The following RGS21 variants were observed in gnomAD, a reference collection of about 807,000 sequenced individuals.
The protein encoded by RGS21 is regulator of G protein signaling 21, also known as regulator of G-protein signalling 21.
A neutral mutation model predicts 18.7 loss-of-function variants in RGS21; 19 were observed. The observed-to-expected ratio is 1.01, with a 90% CI of 0.71 to 1.49. The LOEUF (loss-of-function observed/expected upper bound fraction) is 1.49. RGS21 is among the 40% of genes most tolerant of loss of function. The pLI is 0.00. For missense variants in RGS21, 194 were observed against 176.8 expected (o/e 1.10, Z -0.55); for synonymous variants, 56 against 57.8 (o/e 0.97, Z 0.14).
At chr1:192,359,920 G>A (rs977630316) in intron 4 of RGS21, among the ~76,000 whole-genome samples, 5 of 151,524 alleles carry the variant, frequency 3.3e-5, no homozygotes, top group African/African-American at 9.7e-5. Flanking sequence ...CACCAGAATT[G>A]ACTTCTAGGG....
At chr1:192,351,924 A>T (rs1659047730) in intron 3 of RGS21, 123 bp from the exon 4 acceptor site, 7 of 562,482 alleles carry the variant, frequency 1.2e-5, no homozygotes, top group African/African-American at 1.9e-5. Flanking sequence ...TTACATTTAG[A>T]TGCAATGATC....
intron 4 of RGS21, among the ~76,000 whole-genome samples, chr1:192,354,663 TCA>T (rs139669515): frequency 6.6e-6 from 1 of 151,846 alleles, no homozygotes; most frequent in African/African-American, 2.4e-5. Flanking sequence ...GAGGATATTC[TCA>T]GTTTTTCTAT....
At position 192,344,833 on chromosome 1, in the gene RGS21, C is replaced by T. The variant is rs542347751; in HGVS notation, c.11+1786C>T. On this transcript the variant is annotated intron_variant, in intron 2 of 4. Transcript: ENST00000417209. Reference sequence around the variant, plus strand: ...GCATTGCTACACACCAGCAGAGGTACTCCTTCAGAGCCGATGGGCAATTTT... The same window carrying T: ...GCATTGCTACACACCAGCAGAGGTATTCCTTCAGAGCCGATGGGCAATTTT... Among the ~76,000 whole-genome samples, 15 of 152,190 alleles carry T rather than the reference C, an allele frequency of 9.9e-5. No homozygotes were observed. The South Asian group carries it at 2.9e-3, about 29-fold the overall frequency.
chr1:192,320,912 A>G (rs964970550), intron 1 of RGS21, among the ~76,000 whole-genome samples: 5 of 152,048 alleles, frequency 3.3e-5, no homozygotes, highest in African/African-American at 1.2e-4. Flanking sequence ...ATGCTTAAGG[A>G]TTTACAAAAC....
intron 3 of RGS21, among the ~76,000 whole-genome samples, chr1:192,351,552 CCAT>C (rs1262481105): frequency 1.3e-5 from 2 of 151,508 alleles, no homozygotes; most frequent in African/African-American, 4.8e-5. Flanking sequence ...GAAGTAACTA[CCAT>C]CAAGATCTCC....
chr1:192,340,577 GCCA>G (rs368085636), intron 1 of RGS21, among the ~76,000 whole-genome samples: 423 of 152,164 alleles, frequency 2.8e-3, no homozygotes, highest in African/African-American at 9.6e-3. Context: ...GTAAAAAACT[GCCA>G]CCAACTTACT....
At chr1:192,329,948 T>C (rs1301673917) in intron 1 of RGS21, among the ~76,000 whole-genome samples, 1 of 152,146 alleles carries the variant, frequency 6.6e-6, no homozygotes, top group Non-Finnish European at 1.5e-5. Context: ...AATCATGTGG[T>C]GAAGAGCTCC....
At chr1:192,329,407 T>C (rs1049094515) in intron 1 of RGS21, among the ~76,000 whole-genome samples, 1 of 152,120 alleles carries the variant, frequency 6.6e-6, no homozygotes, top group African/African-American at 2.4e-5. Context: ...GCTACATTTT[T>C]TTTCTATTTC....
intron 2 of RGS21, among the ~76,000 whole-genome samples, chr1:192,344,661 C>T (rs904710670): frequency 1.3e-5 from 2 of 152,066 alleles, no homozygotes; most frequent in Admixed American, 6.6e-5. Context: ...AACAAACAAG[C>T]ATTACTCCTT....
At chr1:192,326,662 G>A (rs1429219436) in intron 1 of RGS21, among the ~76,000 whole-genome samples, 3 of 152,118 alleles carry the variant, frequency 2.0e-5, no homozygotes, top group Admixed American at 6.6e-5. Flanking sequence ...TGCACACAAT[G>A]ATAGAGTCCT....
At chr1:192,348,167 G>A (rs1189396377) in intron 3 of RGS21, among the ~76,000 whole-genome samples, 1 of 151,382 alleles carries the variant, frequency 6.6e-6, no homozygotes, top group African/African-American at 2.4e-5. Context: ...CTGGGACTAC[G>A]GGAGCATGCC....
intron 1 of RGS21, among the ~76,000 whole-genome samples, chr1:192,324,279 T>C (rs1658535934): frequency 6.6e-6 from 1 of 152,126 alleles, no homozygotes; most frequent in East Asian, 1.9e-4. Flanking sequence ...ACAAGATATT[T>C]AAACAATTTT....
At chr1:192,342,873 T>C (rs1258364579) in intron 1 of RGS21, 104 bp from the exon 2 acceptor site, 4 of 602,710 alleles carry the variant, frequency 6.6e-6, no homozygotes, top group Non-Finnish European at 1.2e-5. Context: ...ATAACAAAAA[T>C]AAAAAAGCTG....
chr1:192,323,661 A>G lies in RGS21; in HGVS notation c.-61+6556A>G, dbSNP rs75125445. 3.9e-4 allele frequency among the ~76,000 whole-genome samples: 60 copies of G among 152,244 alleles called. 1 individual carries two copies. Among genetic ancestry groups the G allele is most frequent in the South Asian group, 1.7e-3 (8 of 4,832 alleles). The stretch of plus-strand genomic sequence containing the variant: ...TGAGCATATAGATGCTTAGACGCTT[A>G]TGGAGATTTTAAGTGGCAATGGAAA... On this transcript the variant is annotated intron_variant, in intron 1 of 4. Coordinates refer to ENST00000417209, the MANE Select transcript of RGS21 (RefSeq NM_001039152.3).
intron 1 of RGS21, among the ~76,000 whole-genome samples, chr1:192,327,625 A>G (rs1658585685): frequency 6.6e-6 from 1 of 152,088 alleles, no homozygotes; most frequent in Admixed American, 6.6e-5. Flanking sequence ...GGCATGTGCC[A>G]CCACACCCGG....
At chr1:192,362,954 A>G (rs1659206522) in intron 4 of RGS21, among the ~76,000 whole-genome samples, 1 of 152,112 alleles carries the variant, frequency 6.6e-6, no homozygotes, top group Non-Finnish European at 1.5e-5. Context: ...CCCTTAACAG[A>G]TCAGAAAGAA....
intron 1 of RGS21, among the ~76,000 whole-genome samples, chr1:192,332,479 A>G (rs1658672371): frequency 6.6e-6 from 1 of 152,232 alleles, no homozygotes; most frequent in African/African-American, 2.4e-5. Context: ...AATGAATCAT[A>G]GATTTAAATG....
chr1:192,358,919 T>C (rs1659146293), intron 4 of RGS21, among the ~76,000 whole-genome samples: 1 of 152,114 alleles, frequency 6.6e-6, no homozygotes, highest in South Asian at 2.1e-4. Context: ...AAAATTGTTT[T>C]ACACAACTAC....
rs913203403 is a variant in RGS21 at position 192,343,009 on chromosome 1, T to C, written c.-28T>C. ...ATCAGTCAGAAAGAGAAACTCGGCA[T>C]CATCTGTGACAGACAGTGGAACGAA... On this transcript the variant is annotated 5_prime_UTR_variant, in exon 2 of 5. Transcript: ENST00000417209. 2.5e-6 allele frequency: 4 copies of C among 1,611,790 alleles called. No individual in the cohort carries two copies. Among genetic ancestry groups the C allele is most frequent in the Non-Finnish European group, 3.4e-6 (4 of 1,178,226 alleles).
Sources: gnomAD v4.1 joint callset for allele counts (sites outside exome capture counted in the v4.1 genomes callset) on GRCh38, gnomAD v4.1.1 for gene constraint, MANE v1.5 for transcripts, NCBI Gene and HGNC (gene_info 2026-07-23, HGNC 2026-07-21) for gene names.